Variants in DIAPH3 observed in about 807,000 individuals in gnomAD.
DIAPH3 encodes protein diaphanous homolog 3.
A neutral mutation model predicts 144.3 loss-of-function variants in DIAPH3; 117 were observed. The ratio of observed to expected loss-of-function variants is 0.81; its 90% CI spans 0.70 to 0.95. DIAPH3 has a LOEUF of 0.95. Ranked by LOEUF, DIAPH3 falls within the 40% of genes least tolerant of loss-of-function variation. The pLI is 0.00. For synonymous variants in DIAPH3, 519 were observed against 488.9 expected (o/e 1.06, Z -0.81); for missense variants, 1,421 against 1,412.7 (o/e 1.01, Z -0.09).
At chr13:60,056,533 G>T (rs1370304321) in intron 4 of DIAPH3, among the ~76,000 whole-genome samples, 1 of 151,374 alleles carries the variant, frequency 6.6e-6, no homozygotes, top group East Asian at 1.9e-4. Context: ...TGTCTATAAG[G>T]GCCTAGAAGA....
chr13:60,149,202 CA>C (rs1181440530), intron 1 of DIAPH3, among the ~76,000 whole-genome samples: 30 of 152,124 alleles, frequency 2.0e-4, no homozygotes, highest in Non-Finnish European at 2.9e-5. Context: ...GTGGATGGGC[CA>C]AAAACAGCAG....
At chr13:60,082,134 G>T (rs928273810) in intron 4 of DIAPH3, among the ~76,000 whole-genome samples, 1 of 151,462 alleles carries the variant, frequency 6.6e-6, no homozygotes, top group Non-Finnish European at 1.5e-5. Context: ...AAAATGCAGT[G>T]AGGGAATTCA....
At chr13:60,124,319 G>A (rs895169401) in intron 2 of DIAPH3, among the ~76,000 whole-genome samples, 1 of 152,120 alleles carries the variant, frequency 6.6e-6, no homozygotes, top group Non-Finnish European at 1.5e-5. Context: ...TCTATATCTG[G>A]GCGCAGGCAG....
chr13:60,021,995 A>C (rs1029029652), intron 5 of DIAPH3, among the ~76,000 whole-genome samples: 8 of 152,174 alleles, frequency 5.3e-5, no homozygotes, highest in Non-Finnish European at 1.2e-4. Context: ...ATTCATTAGA[A>C]TTACAATTAT....
intron 17 of DIAPH3, among the ~76,000 whole-genome samples, chr13:59,945,334 T>G (rs887280576): frequency 1.3e-5 from 2 of 152,190 alleles, no homozygotes; most frequent in African/African-American, 4.8e-5. Flanking sequence ...CTATTTATTT[T>G]CTGTCTTCTC....
intron 3 of DIAPH3, among the ~76,000 whole-genome samples, chr13:60,096,112 C>G (rs1271655577): frequency 6.6e-6 from 1 of 152,058 alleles, no homozygotes; most frequent in Non-Finnish European, 1.5e-5. Context: ...GTAACATTAT[C>G]CACAAAGAAT....
intron 2 of DIAPH3, among the ~76,000 whole-genome samples, chr13:60,119,746 CAAAAAAAAAAAAAAA>C (rs34356415): frequency 8.1e-4 from 40 of 49,534 alleles, no homozygotes; most frequent in African/African-American, 3.4e-3. Flanking sequence ...GACTCCGTCT[CAAAAAAAAAAAAAAA>C]AAAAAAAAAA....
At chr13:59,854,736 T>C (rs1477015365) in intron 22 of DIAPH3, among the ~76,000 whole-genome samples, 2 of 152,196 alleles carry the variant, frequency 1.3e-5, no homozygotes, top group Non-Finnish European at 2.9e-5. Context: ...TTACTTGATG[T>C]TCGCTATAGT....
intron 12 of DIAPH3, among the ~76,000 whole-genome samples, chr13:59,987,332 G>C (rs1442854942): frequency 3.3e-5 from 5 of 151,592 alleles, no homozygotes; most frequent in South Asian, 2.1e-4. Context: ...TGGTGGGGTG[G>C]GGGGAGTGGG....
chr13:59,948,118 T>C (rs1319301291), intron 17 of DIAPH3, among the ~76,000 whole-genome samples: 3 of 152,160 alleles, frequency 2.0e-5, no homozygotes, highest in East Asian at 3.9e-4. Flanking sequence ...AAAGCTAATC[T>C]GAAAGAGACT....
At chr13:59,715,769 G>C (rs979276282) in intron 27 of DIAPH3, among the ~76,000 whole-genome samples, 1 of 152,170 alleles carries the variant, frequency 6.6e-6, no homozygotes, top group Non-Finnish European at 1.5e-5. Flanking sequence ...ACACAATCTT[G>C]CTGAGATTCA....
chr13:59,876,569 T>G (rs1343948502), intron 21 of DIAPH3, among the ~76,000 whole-genome samples: 1 of 152,216 alleles, frequency 6.6e-6, no homozygotes, highest in Non-Finnish European at 1.5e-5. Context: ...AAGACACTAC[T>G]TTTTGTCTTA....
intron 2 of DIAPH3, among the ~76,000 whole-genome samples, chr13:60,131,868 G>A (rs2138228325): frequency 6.6e-6 from 1 of 152,248 alleles, no homozygotes; most frequent in East Asian, 1.9e-4. Flanking sequence ...AAGTATATGA[G>A]ACTTAAAGCA....
intron 15 of DIAPH3, 31 bp downstream of exon 15, chr13:59,974,321 A>G (rs2050552085): frequency 6.5e-7 from 1 of 1,546,308 alleles, no homozygotes; most frequent in Admixed American, 1.7e-5. Flanking sequence ...TGTGTTTTTA[A>G]TACCCAAATT....
At chr13:60,072,109 G>T (rs536558225) in intron 4 of DIAPH3, among the ~76,000 whole-genome samples, 14 of 152,026 alleles carry the variant, frequency 9.2e-5, no homozygotes, top group African/African-American at 3.1e-4. Flanking sequence ...CCTCTCCCAC[G>T]GTAGCTCTTA....
intron 4 of DIAPH3, among the ~76,000 whole-genome samples, chr13:60,065,525 T>C (rs1488956292): frequency 3.9e-5 from 6 of 152,156 alleles, no homozygotes; most frequent in Non-Finnish European, 7.4e-5. Context: ...AACACAGCAA[T>C]ATTTGTCAAA....
At chr13:59,930,878 G>A (rs1039706655) in intron 17 of DIAPH3, among the ~76,000 whole-genome samples, 3 of 152,162 alleles carry the variant, frequency 2.0e-5, no homozygotes, top group Non-Finnish European at 4.4e-5. Context: ...CAGGGAAGGA[G>A]AGTGTGGATG....
chr13:60,037,318 T>C (rs1288374357), intron 5 of DIAPH3, among the ~76,000 whole-genome samples: 5 of 152,068 alleles, frequency 3.3e-5, no homozygotes, highest in Middle Eastern at 3.4e-3. Context: ...TGTAGAAACA[T>C]ATATACATAT....
chr13:59,762,339 C>T (rs1255291587), intron 27 of DIAPH3, among the ~76,000 whole-genome samples: 3 of 152,020 alleles, frequency 2.0e-5, no homozygotes, highest in Admixed American at 6.6e-5. Flanking sequence ...GGATTACAGG[C>T]GTGAGCCACC....
Sources: gnomAD v4.1 joint callset for allele counts (sites outside exome capture counted in the v4.1 genomes callset) on GRCh38, gnomAD v4.1.1 for gene constraint, MANE v1.5 for transcripts, NCBI Gene and HGNC (gene_info 2026-07-23, HGNC 2026-07-21) for gene names.